The following WDR19 variants were observed in gnomAD, a reference collection of about 807,000 sequenced individuals.
The protein encoded by WDR19 is WD repeat-containing protein 19.
Under a neutral mutation model 180.0 loss-of-function variants are expected in WDR19, and 121 were observed. The ratio of observed to expected loss-of-function variants is 0.67; its 90% CI spans 0.58 to 0.78. WDR19 has a LOEUF of 0.78. WDR19 is among the 30% of genes least tolerant of loss of function. WDR19 has a pLI of 0.00. For missense variants in WDR19, 1,450 were observed against 1,640.7 expected (o/e 0.88, Z 2.01); for synonymous variants, 497 against 540.7 (o/e 0.92, Z 1.12).
chr4:39,238,448 A>G (rs1731584645), intron 20 of WDR19, among the ~76,000 whole-genome samples: 1 of 152,240 alleles, frequency 6.6e-6, no homozygotes, highest in South Asian at 2.1e-4. Flanking sequence ...CAAAGTATTA[A>G]TTTAGCTTGC....
chr4:39,253,015 A>C, intron 24 of WDR19, 131 bp from the exon 25 acceptor site: 2 of 845,018 alleles, frequency 2.4e-6, no homozygotes, highest in Non-Finnish European at 3.4e-6. Context: ...TTTTCTGATA[A>C]AGGAAAAAGA....
chr4:39,215,702 T>TA (rs369439755), intron 10 of WDR19, 139 bp from the exon 11 acceptor site: 28,692 of 693,582 alleles, frequency 0.041, 1 homozygote, highest in South Asian at 0.047. Context: ...TTTCCTAGTC[T>TA]AAAAAAAAAA....
intron 3 of WDR19, among the ~76,000 whole-genome samples, chr4:39,187,610 A>G (rs1725708960): frequency 2.0e-5 from 3 of 152,050 alleles, no homozygotes; most frequent in African/African-American, 7.3e-5. Flanking sequence ...TCATTTTGGC[A>G]TTTTCCATTA....
At position 39,245,397 on chromosome 4, in the gene WDR19, G is replaced by C. The variant is rs551049157; in HGVS notation, c.2674G>C (p.Val892Leu). The stretch of plus-strand genomic sequence containing the variant: ...AAAAGTTGGTGATCTTCTGCCCCAC[G>C]TTTCTTCTCCTAAGATCCATTTGCA... ...WAKVGDLLPHVSSPKIHLQYA... is the reference protein window; with the variant it reads ...WAKVGDLLPHLSSPKIHLQYA... The change falls in exon 24 of 37, where the codon GTT becomes CTT. Residue 892 changes from valine to leucine, a missense_variant. By Grantham distance (32) the Val-to-Leu change is conservative. Transcript: ENST00000399820. 2.5e-6 allele frequency: 4 copies of C among 1,613,574 alleles called. No homozygotes were observed. Among genetic ancestry groups the C allele is most frequent in the Non-Finnish European group, 3.4e-6 (4 of 1,179,748 alleles).
chr4:39,249,572 G>A (rs1241084924), intron 24 of WDR19, among the ~76,000 whole-genome samples: 2 of 152,178 alleles, frequency 1.3e-5, no homozygotes, highest in Admixed American at 1.3e-4. Flanking sequence ...TTTTTGAAAA[G>A]ATCAACAAAA....
At chr4:39,266,272 G>A (rs1179108081) in intron 29 of WDR19, 132 bp downstream of exon 29, 2 of 638,756 alleles carry the variant, frequency 3.1e-6, no homozygotes, top group Non-Finnish European at 5.0e-6. Context: ...AGATCATCTA[G>A]ACCAGGAGCG....
At chr4:39,198,606 C>T (rs543442754) in intron 5 of WDR19, among the ~76,000 whole-genome samples, 4 of 152,214 alleles carry the variant, frequency 2.6e-5, no homozygotes, top group South Asian at 2.1e-4. Context: ...TGACTCGCGC[C>T]TGTAATCCCA....
At position 39,240,690 on chromosome 4, in the gene WDR19, A is replaced by G. The variant is rs1043891653; in HGVS notation, c.2421+356A>G. Among the ~76,000 whole-genome samples, 6 of 152,152 alleles carry G rather than the reference A, an allele frequency of 3.9e-5. No individual in the cohort carries two copies. In the East Asian group the frequency reaches 7.7e-4, roughly 20 times the overall value. On this transcript the variant is annotated intron_variant, in intron 21 of 36. Transcript: ENST00000399820. Reference sequence around the variant, plus strand: ...CAGTAGGCTGGACGCGGTGGCTCACACCTGTAATCCTAGCACTTTGGGAGG... The same window carrying G: ...CAGTAGGCTGGACGCGGTGGCTCACGCCTGTAATCCTAGCACTTTGGGAGG...
chr4:39,228,805 T>A (rs1730562230), intron 17 of WDR19, 115 bp downstream of exon 17: 1 of 344,880 alleles, frequency 2.9e-6, no homozygotes, highest in South Asian at 9.4e-5. Context: ...CTTGCAAGAA[T>A]TTTTTTTTTT....
Position 39,231,877 on chromosome 4 carries a change from A to G in WDR19, c.2063A>G (p.His688Arg), listed in dbSNP as rs1730906050. 2.5e-6 allele frequency: 4 copies of G among 1,613,590 alleles called. No homozygotes were observed. Among genetic ancestry groups the G allele is most frequent in the Non-Finnish European group, 2.5e-6 (3 of 1,179,496 alleles). Reference sequence around the variant, plus strand: ...GAGTTGGCCAGAGCTTGTCTACATCACATGGAAGTGGAGTTTGCAATCCGT... The same window carrying G: ...GAGTTGGCCAGAGCTTGTCTACATCGCATGGAAGTGGAGTTTGCAATCCGT... Reference protein sequence around the residue: ...WNELARACLHHMEVEFAIRVY... With the variant: ...WNELARACLHRMEVEFAIRVY... Residue 688 changes from histidine to arginine, a missense_variant, in exon 18 of 37, where the codon CAC becomes CGC. Coordinates refer to ENST00000399820, the MANE Select transcript of WDR19 (RefSeq NM_025132.4).
At chr4:39,187,582 C>G (rs1725706805) in intron 3 of WDR19, among the ~76,000 whole-genome samples, 1 of 152,106 alleles carries the variant, frequency 6.6e-6, no homozygotes, top group Non-Finnish European at 1.5e-5. Flanking sequence ...CCTGCCCTGC[C>G]CCACCCACCT....
intron 14 of WDR19, chr4:39,218,465 C>A: frequency 5.2e-6 from 1 of 193,102 alleles, no homozygotes. Flanking sequence ...ACAATGCTAT[C>A]TAGACATAGA....
intron 36 of WDR19, among the ~76,000 whole-genome samples, chr4:39,284,850 G>GAT (rs757554420): frequency 6.6e-6 from 1 of 152,118 alleles, no homozygotes; most frequent in Non-Finnish European, 1.5e-5. Context: ...GCTCCTTGCA[G>GAT]ATATGTCTTC....
intron 15 of WDR19, 138 bp downstream of exon 15, chr4:39,225,171 T>A: frequency 4.4e-6 from 3 of 674,988 alleles, no homozygotes; most frequent in Non-Finnish European, 4.5e-6. Context: ...CTTCATAATA[T>A]CATGTTTATG....
intron 33 of WDR19, 196 bp downstream of exon 33, chr4:39,275,154 A>T: frequency 1.5e-6 from 1 of 658,126 alleles, no homozygotes; most frequent in Non-Finnish European, 2.6e-6. Flanking sequence ...AGCCTGGCCA[A>T]TATGATGAAA....
intron 9 of WDR19, chr4:39,206,015 G>T: frequency 4.0e-6 from 1 of 247,526 alleles, no homozygotes; most frequent in Non-Finnish European, 7.7e-6. Context: ...TGAACAGAAT[G>T]CATGGAGCAG....
intron 34 of WDR19, 130 bp from the exon 35 acceptor site, chr4:39,278,001 C>A: frequency 1.4e-6 from 1 of 737,412 alleles, no homozygotes; most frequent in Non-Finnish European, 2.3e-6. Flanking sequence ...TTGCAGACAG[C>A]CAACAATGTG....
Position 39,199,664 on chromosome 4 carries a change from A to G in WDR19, c.522+71A>G, listed in dbSNP as rs553645570. The G allele has an allele frequency of 1.2e-4, 147 of 1,232,270 alleles. 1 individual carries two copies. The South Asian group carries it at 1.8e-3, about 15-fold the overall frequency. The allele number at this position is 1,232,270 out of a possible 1,614,324, so 76.3% of individuals were successfully genotyped here. A position where few individuals can be genotyped will look rare whatever the true frequency, so the allele number is the denominator to read the frequency against. On this transcript the variant is annotated intron_variant, in intron 6 of 36. Coordinates refer to ENST00000399820, the MANE Select transcript of WDR19 (RefSeq NM_025132.4). ...CCCAAATAAATAGTTTGTCTGTCAA[A>G]CTAATCTATACAATTTTTAAAAATC...
chr4:39,199,602 G>A lies in WDR19; in HGVS notation c.522+9G>A, dbSNP rs759274849. 6 of 1,594,512 alleles carry A rather than the reference G, an allele frequency of 3.8e-6. No individual in the cohort carries two copies. The highest frequency in any genetic ancestry group is 1.1e-5 in the South Asian group (1 of 90,316). On this transcript the variant is annotated intron_variant, in intron 6 of 36. Transcript: ENST00000399820. ...GTGACACGATAAGACAGGTAATACAGTAACGTCTCTTTGGTCTGATATATT... is the reference window on the plus strand; with the variant it reads ...GTGACACGATAAGACAGGTAATACAATAACGTCTCTTTGGTCTGATATATT...
Sources: gnomAD v4.1 joint callset for allele counts (sites outside exome capture counted in the v4.1 genomes callset) on GRCh38, gnomAD v4.1.1 for gene constraint, MANE v1.5 for transcripts, NCBI Gene and HGNC (gene_info 2026-07-23, HGNC 2026-07-21) for gene names.